The following TIAM2 variants were observed in gnomAD, a reference collection of about 807,000 sequenced individuals.
TIAM2 encodes the protein rho guanine nucleotide exchange factor TIAM2.
Under a neutral mutation model 152.9 loss-of-function variants are expected in TIAM2, and 80 were observed. The ratio of observed to expected loss-of-function variants is 0.52; its 90% CI spans 0.44 to 0.63. The LOEUF is 0.63. TIAM2 is among the 30% of genes least tolerant of loss of function. TIAM2 has a pLI of 0.00. For missense variants in TIAM2, 1,965 were observed against 2,120.1 expected (o/e 0.93, Z 1.44); for synonymous variants, 804 against 838.0 (o/e 0.96, Z 0.70).
chr6:155,089,363 T>C (rs1236673546), intron 1 of TIAM2, among the ~76,000 whole-genome samples: 1 of 152,092 alleles, frequency 6.6e-6, no homozygotes, highest in Non-Finnish European at 1.5e-5. Context: ...TGAGCCACCA[T>C]ATCCAGCTAA....
At chr6:155,221,767 T>C (rs1782053306) in intron 15 of TIAM2, among the ~76,000 whole-genome samples, 1 of 152,084 alleles carries the variant, frequency 6.6e-6, no homozygotes, top group Non-Finnish European at 1.5e-5. Flanking sequence ...TCCATGCCCC[T>C]CAGCCCTCTA....
intron 20 of TIAM2, among the ~76,000 whole-genome samples, chr6:155,248,908 A>C (rs1156611675): frequency 6.6e-6 from 1 of 152,222 alleles, no homozygotes; most frequent in Non-Finnish European, 1.5e-5. Context: ...CTGAATAATA[A>C]ATACTGAGAA....
rs1256223387 is a variant in TIAM2, at chr6:155,179,153, C to T, written c.2628+10C>T. On this transcript the variant is annotated intron_variant, in intron 11 of 26. Transcript: ENST00000682666. The stretch of plus-strand genomic sequence containing the variant: ...ATATATGCAACAACAGGTAAGTGTG[C>T]ACTAGCTTTAGGAAGGGAAACTGAA... The T allele has an allele frequency of 2.5e-6, 4 of 1,602,446 alleles. No homozygotes were observed. The highest frequency in any genetic ancestry group is 3.4e-5 in the Admixed American group (2 of 59,428).
intron 14 of TIAM2, among the ~76,000 whole-genome samples, chr6:155,185,489 CTTTTATTTATTTATTTATTTA>C (rs1210852632): frequency 1.5e-5 from 2 of 137,136 alleles, no homozygotes; most frequent in Non-Finnish European, 3.1e-5. Flanking sequence ...AGTTAAGCCA[CTTTTATTTATTTATTTATTTA>C]TTTATTTATT....
At chr6:155,224,317 C>G (rs1182549768) in intron 15 of TIAM2, among the ~76,000 whole-genome samples, 2 of 152,126 alleles carry the variant, frequency 1.3e-5, no homozygotes, top group Non-Finnish European at 2.9e-5. Context: ...GCAATTTCCT[C>G]TATAGACTCA....
intron 1 of TIAM2, among the ~76,000 whole-genome samples, chr6:155,006,954 G>A (rs1778412107): frequency 6.6e-6 from 1 of 152,246 alleles, no homozygotes; most frequent in Admixed American, 6.5e-5. Flanking sequence ...GCCTCCCAAA[G>A]TGTTGGGATT....
chr6:155,067,450 T>C (rs1199657762), intron 1 of TIAM2, among the ~76,000 whole-genome samples: 5 of 152,190 alleles, frequency 3.3e-5, no homozygotes, highest in African/African-American at 1.2e-4. Context: ...TCTGTCCCTG[T>C]CTCTGGAAGA....
At chr6:155,164,327 C>T in intron 7 of TIAM2, 88 bp from the exon 8 acceptor site, 3 of 1,317,524 alleles carry the variant, frequency 2.3e-6, no homozygotes, top group South Asian at 3.1e-5. Context: ...CTAATTTTTT[C>T]TTCAAGTTTG....
At chr6:155,011,758 A>G (rs913005991) in intron 1 of TIAM2, among the ~76,000 whole-genome samples, 1 of 152,258 alleles carries the variant, frequency 6.6e-6, no homozygotes, top group Non-Finnish European at 1.5e-5. Flanking sequence ...GGGAGACAGT[A>G]AACTTTTGAT....
intron 18 of TIAM2, among the ~76,000 whole-genome samples, chr6:155,245,285 C>G (rs1783253445): frequency 6.6e-6 from 1 of 152,244 alleles, no homozygotes; most frequent in African/African-American, 2.4e-5. Flanking sequence ...GCATCACTCT[C>G]CCCAAGCAAT....
chr6:155,240,635 C>T lies in TIAM2; in HGVS notation c.3274C>T (p.Arg1092Cys), dbSNP rs755437912. 12 of 1,614,044 alleles carry T rather than the reference C, an allele frequency of 7.4e-6. No homozygotes were observed. The highest frequency in any genetic ancestry group is 6.7e-5 in the East Asian group (3 of 44,884). ...NQDPPPRSLA[R>C]HLSDADRLRK... ...GGATCCTCCTCCGAGGTCTCTGGCCCGCCACCTGTCTGATGCAGACCGCCT... is the reference window on the plus strand; with the variant it reads ...GGATCCTCCTCCGAGGTCTCTGGCCTGCCACCTGTCTGATGCAGACCGCCT... Residue 1092 changes from arginine (R) to cysteine (C), a missense_variant, in exon 16 of 27, where the codon CGC (arginine) becomes TGC (cysteine). This residue lies in a region of TIAM2 where 935 missense variants were observed against 980.0 expected (regional missense o/e 0.95). Transcript: ENST00000682666.
rs145448305 is a variant in TIAM2, at chr6:155,007,058, G to A, written c.-209+11566G>A. Among the ~76,000 whole-genome samples the A allele has an allele frequency of 2.6e-5, 4 of 152,286 alleles. No individual in the cohort carries two copies. In the East Asian group the frequency reaches 7.7e-4, roughly 29 times the overall value. ...TCAGGCTGGTCTACTAGGATTACAG[G>A]TGTAAGCCACTGCGGCTGGTCTGCT... On this transcript the variant is annotated intron_variant, in intron 1 of 26. Transcript: ENST00000682666.
intron 14 of TIAM2, 27 bp downstream of exon 14, chr6:155,183,527 T>C: frequency 6.4e-7 from 1 of 1,571,266 alleles, no homozygotes; most frequent in Non-Finnish European, 8.6e-7. Context: ...TCTTCCTTCT[T>C]AACTGCTGGT....
intron 2 of TIAM2, among the ~76,000 whole-genome samples, chr6:155,126,595 G>A (rs1779303611): frequency 6.6e-6 from 1 of 152,160 alleles, no homozygotes; most frequent in Admixed American, 6.5e-5. Flanking sequence ...GCTGGGCGTG[G>A]TGGTGCGTGC....
At chr6:155,019,585 C>T (rs1776422867) in intron 1 of TIAM2, among the ~76,000 whole-genome samples, 1 of 152,194 alleles carries the variant, frequency 6.6e-6, no homozygotes, top group South Asian at 2.1e-4. Context: ...GCTGTGGTTC[C>T]TTTTCTCCCC....
chr6:155,113,880 A>G (rs1357814940), intron 2 of TIAM2, among the ~76,000 whole-genome samples: 2 of 151,614 alleles, frequency 1.3e-5, no homozygotes, highest in East Asian at 1.9e-4. Context: ...TTCAGTGAAC[A>G]TTTATTGCCT....
intron 9 of TIAM2, among the ~76,000 whole-genome samples, chr6:155,173,946 C>T (rs919688228): frequency 2.0e-5 from 3 of 152,162 alleles, no homozygotes; most frequent in African/African-American, 4.8e-5. Flanking sequence ...AAGGACGGTA[C>T]AGCAGAGAGA....
intron 1 of TIAM2, among the ~76,000 whole-genome samples, chr6:155,040,773 C>G (rs1026964123): frequency 3.3e-5 from 5 of 152,134 alleles, no homozygotes; most frequent in African/African-American, 1.2e-4. Context: ...CCCGCCTTGG[C>G]CTCCCAAAGT....
intron 7 of TIAM2, among the ~76,000 whole-genome samples, chr6:155,152,573 G>A (rs191517964): frequency 6.6e-6 from 1 of 152,362 alleles, no homozygotes; most frequent in East Asian, 1.9e-4. Flanking sequence ...CATCCATGGT[G>A]CTGATTTTCC....
Sources: allele counts gnomAD v4.1 joint callset (sites outside exome capture counted in the v4.1 genomes callset), GRCh38; gene constraint gnomAD v4.1.1; regional missense constraint gnomAD v4.1.1; transcripts MANE v1.5; gene names NCBI Gene and HGNC (gene_info 2026-07-23, HGNC 2026-07-21).